SBF2: variants seen among roughly 807,000 people sequenced by gnomAD.
SBF2 encodes the protein SET binding factor 2.
Under a neutral mutation model 225.2 loss-of-function variants are expected in SBF2, and 112 were observed. The observed-to-expected ratio is 0.50, with a 90% CI of 0.43 to 0.58. The LOEUF (loss-of-function observed/expected upper bound fraction) is 0.58, where lower values mean the gene tolerates loss of function less well. Ranked by LOEUF, SBF2 falls within the 20% of genes least tolerant of loss-of-function variation. The pLI is 0.00. For synonymous variants in SBF2, 763 were observed against 773.3 expected (o/e 0.99, Z 0.22); for missense variants, 1,996 against 2,206.2 (o/e 0.90, Z 1.91).
At chr11:9,797,165 GTACT>G (rs1425964621) in intron 32 of SBF2, among the ~76,000 whole-genome samples, 3 of 152,190 alleles carry the variant, frequency 2.0e-5, no homozygotes, top group Non-Finnish European at 4.4e-5. Flanking sequence ...ATACGGACCT[GTACT>G]TAGTCAGCTG....
chr11:10,296,946 T>C (rs1359064584), upstream of SBF2, among the ~76,000 whole-genome samples: 3 of 152,222 alleles, frequency 2.0e-5, no homozygotes, highest in Non-Finnish European at 4.4e-5. Flanking sequence ...TGCCTTTCCC[T>C]AAAGACTAAT....
intron 16 of SBF2, among the ~76,000 whole-genome samples, chr11:9,948,589 G>T (rs907351085): frequency 2.0e-5 from 3 of 152,048 alleles, no homozygotes; most frequent in African/African-American, 7.2e-5. Context: ...CCTTTTAGTA[G>T]ACTCATATTT....
At position 10,045,949 on chromosome 11, in the gene SBF2, G is replaced by A. The variant is rs568018839; in HGVS notation, c.142-2968C>T. On this transcript the variant is annotated intron_variant, in intron 2 of 39. Transcript: ENST00000256190. ...TACATCTGTGGATTCAACCAACCAC[G>A]GATCAAAAATATTTGAAAAAAAAAG... Among the ~76,000 whole-genome samples the A allele has an allele frequency of 8.6e-5, 13 of 151,680 alleles. No homozygotes were observed. The East Asian group carries it at 1.2e-3, about 14-fold the overall frequency.
intron 16 of SBF2, chr11:9,956,872 A>G (rs1434149318): frequency 6.6e-6 from 1 of 152,214 alleles, no homozygotes; most frequent in Non-Finnish European, 1.5e-5. Flanking sequence ...AGACATTGGG[A>G]TACAAAATTT....
At chr11:9,961,669 T>C (rs1590617386) in intron 16 of SBF2, 1 of 306,844 alleles carries the variant, frequency 3.3e-6, no homozygotes, top group African/African-American at 2.2e-5. Flanking sequence ...AAGTAATATA[T>C]AACTGAATGC....
At chr11:10,111,375 T>G (rs1952832766) in intron 2 of SBF2, among the ~76,000 whole-genome samples, 1 of 152,196 alleles carries the variant, frequency 6.6e-6, no homozygotes, top group African/African-American at 2.4e-5. Context: ...CAAGAATATA[T>G]GTTTTAGGCT....
intron 1 of SBF2, among the ~76,000 whole-genome samples, chr11:10,255,061 G>C (rs148477584): frequency 4.1e-4 from 62 of 152,184 alleles, no homozygotes; most frequent in Non-Finnish European, 7.2e-4. Flanking sequence ...CAGAAGCAGA[G>C]GGTGAATGGT....
At chr11:10,136,010 G>A (rs930504904) in intron 2 of SBF2, among the ~76,000 whole-genome samples, 6 of 152,162 alleles carry the variant, frequency 3.9e-5, no homozygotes, top group Non-Finnish European at 8.8e-5. Context: ...AAAGAAAGGC[G>A]TTTAATAGAC....
chr11:10,265,663 T>C (rs935892182), intron 1 of SBF2, among the ~76,000 whole-genome samples: 1 of 152,152 alleles, frequency 6.6e-6, no homozygotes, highest in Non-Finnish European at 1.5e-5. Context: ...GTGAAGAACA[T>C]ATATGCACCT....
intron 2 of SBF2, among the ~76,000 whole-genome samples, chr11:10,086,712 TAAC>T (rs1394170166): frequency 1.3e-5 from 2 of 152,228 alleles, no homozygotes; most frequent in Non-Finnish European, 2.9e-5. Context: ...ACTGCAGAGA[TAAC>T]AGAGTGAAAT....
rs74391307 is a variant in SBF2 at position 10,041,116 on chromosome 11, C to T, written c.279+1728G>A. 2.8e-4 allele frequency among the ~76,000 whole-genome samples: 42 copies of T among 151,906 alleles called. 2 individuals are homozygous for T. In the East Asian group the frequency reaches 7.7e-3, roughly 28 times the overall value. On this transcript the variant is annotated intron_variant, in intron 3 of 39. Coordinates refer to ENST00000256190, the MANE Select transcript of SBF2 (RefSeq NM_030962.4). ...ATTCCAAAGAGTTGTGAAGCGATAC[C>T]CTCAAGAATATGGAAATAACAGAAT...
At chr11:10,217,157 G>T (rs1305702471) in intron 1 of SBF2, among the ~76,000 whole-genome samples, 1 of 152,110 alleles carries the variant, frequency 6.6e-6, no homozygotes, top group Non-Finnish European at 1.5e-5. Context: ...ACAGATATCA[G>T]GAGGTAGAAG....
Position 9,866,271 on chromosome 11 carries a change from C to G in SBF2, c.1930-7875G>C, listed in dbSNP as rs186864078. On this transcript the variant is annotated intron_variant, in intron 17 of 39. Coordinates refer to ENST00000256190, the MANE Select transcript of SBF2 (RefSeq NM_030962.4). ...CACATAAGACCCTGAATAGCCAAAG[C>G]AATCCTGAGGAAAAAAAAACAAAGC... 5.3e-5 allele frequency among the ~76,000 whole-genome samples: 8 copies of G among 151,912 alleles called. No homozygotes were observed. In the East Asian group the frequency reaches 1.5e-3, roughly 29 times the overall value.
chr11:10,085,855 T>C (rs1951546113), intron 2 of SBF2, among the ~76,000 whole-genome samples: 1 of 151,968 alleles, frequency 6.6e-6, no homozygotes, highest in African/African-American at 2.4e-5. Flanking sequence ...CCAAAAATAA[T>C]TTTTCTTCTA....
chr11:9,867,457 T>C (rs1469365648), intron 17 of SBF2, among the ~76,000 whole-genome samples: 1 of 152,158 alleles, frequency 6.6e-6, no homozygotes, highest in East Asian at 1.9e-4. Context: ...TAAATGAGTA[T>C]AGCCATTATG....
chr11:9,919,451 A>T (rs1863413992), intron 16 of SBF2, among the ~76,000 whole-genome samples: 1 of 151,962 alleles, frequency 6.6e-6, no homozygotes, highest in Non-Finnish European at 1.5e-5. Flanking sequence ...GAGCTCCCCG[A>T]GTGAGCAATT....
At chr11:10,266,831 G>A (rs1025691890) in intron 1 of SBF2, among the ~76,000 whole-genome samples, 27 of 152,218 alleles carry the variant, frequency 1.8e-4, no homozygotes, top group Non-Finnish European at 3.5e-4. Flanking sequence ...GCTCACGCCT[G>A]TAATCCCAAC....
intron 17 of SBF2, among the ~76,000 whole-genome samples, chr11:9,886,875 A>T (rs544371651): frequency 4.5e-4 from 68 of 152,228 alleles, no homozygotes; most frequent in African/African-American, 1.5e-3. Context: ...CTTAGATTGT[A>T]TCTGTTTTAG....
chr11:10,195,147 G>A (rs1212771782), intron 1 of SBF2, among the ~76,000 whole-genome samples: 1 of 152,086 alleles, frequency 6.6e-6, no homozygotes. Flanking sequence ...CTTCTTTGGG[G>A]GAATGGGGAT....
Sources: gnomAD v4.1 joint callset for allele counts (sites outside exome capture counted in the v4.1 genomes callset) on GRCh38, gnomAD v4.1.1 for gene constraint, MANE v1.5 for transcripts, NCBI Gene and HGNC (gene_info 2026-07-23, HGNC 2026-07-21) for gene names.